Variants in PALM2AKAP2 observed in about 807,000 individuals in gnomAD.
PALM2AKAP2 encodes the protein PALM2 and AKAP2 fusion.
PALM2AKAP2 carries 37 observed loss-of-function variants against 71.5 expected under a neutral mutation model. The ratio of observed to expected loss-of-function variants is 0.52; its 90% CI spans 0.40 to 0.68. The LOEUF is 0.68. Among genes scored for constraint, PALM2AKAP2 ranks in the 30% least tolerant of loss-of-function variants. The probability of loss-of-function intolerance (pLI) is 0.00; values close to 1 mark genes in which losing one functional copy is unlikely to be tolerated. For synonymous variants in PALM2AKAP2, 468 were observed against 478.8 expected (o/e 0.98, Z 0.29); for missense variants, 1,224 against 1,191.8 (o/e 1.03, Z -0.40).
intron 7 of PALM2AKAP2, among the ~76,000 whole-genome samples, chr9:110,033,248 G>C (rs1833319219): frequency 6.6e-6 from 1 of 152,124 alleles, no homozygotes; most frequent in Non-Finnish European, 1.5e-5. Flanking sequence ...TAAGAGAAAT[G>C]GTATTGCAAA....
chr9:109,841,380 G>T (rs546275615), intron 1 of PALM2AKAP2, among the ~76,000 whole-genome samples: 11 of 148,476 alleles, frequency 7.4e-5, no homozygotes, highest in Middle Eastern at 3.5e-3. Flanking sequence ...GTGGGGGTAG[G>T]GGGGAGGGAT....
At chr9:110,074,192 G>A (rs1449079226) in intron 1 of PALM2AKAP2, among the ~76,000 whole-genome samples, 1 of 152,172 alleles carries the variant, frequency 6.6e-6, no homozygotes, top group South Asian at 2.1e-4. Context: ...ATAATCTTTA[G>A]AAGTCCCAAA....
chr9:110,102,269 G>C (rs1471652378), intron 1 of PALM2AKAP2, among the ~76,000 whole-genome samples: 1 of 152,164 alleles, frequency 6.6e-6, no homozygotes, highest in Admixed American at 6.5e-5. Flanking sequence ...TAATGGAATA[G>C]TGCTTAATGG....
chr9:110,090,219 G>C (rs1252992026), intron 1 of PALM2AKAP2: 1 of 390,676 alleles, frequency 2.6e-6, no homozygotes, highest in Non-Finnish European at 5.2e-6. Flanking sequence ...GCAGGTACAG[G>C]ATGCGAGCTC....
Position 109,646,640 on chromosome 9 carries a change from T to G in PALM2AKAP2, c.5+5774T>G, listed in dbSNP as rs560691489. On this transcript the variant is annotated intron_variant, in intron 1 of 6. Coordinates refer to the PALM2AKAP2 transcript ENST00000374531. ...AACTTAAGGTTCTTAACATATGCCTTCATTCATTCATCCAGTAACTCATTT... is the reference window on the plus strand; with the variant it reads ...AACTTAAGGTTCTTAACATATGCCTGCATTCATTCATCCAGTAACTCATTT... Among the ~76,000 whole-genome samples the G allele has an allele frequency of 2.6e-5, 4 of 152,328 alleles. No individual in the cohort carries two copies. In the South Asian group the frequency reaches 6.2e-4, roughly 24 times the overall value.
At chr9:110,006,118 C>T (rs1427656918) in intron 6 of PALM2AKAP2, among the ~76,000 whole-genome samples, 4 of 152,200 alleles carry the variant, frequency 2.6e-5, no homozygotes, top group African/African-American at 9.6e-5. Context: ...CTGCGTCACT[C>T]ATGCTGGGAG....
intron 6 of PALM2AKAP2, among the ~76,000 whole-genome samples, chr9:110,006,360 T>TTCTTTCTTTC (rs1294505767): frequency 6.7e-6 from 1 of 148,544 alleles, no homozygotes; most frequent in Non-Finnish European, 1.5e-5. Flanking sequence ...CTTTCTTTCT[T>TTCTTTCTTTC]TCTTTCTTTC....
intron 1 of PALM2AKAP2, among the ~76,000 whole-genome samples, chr9:109,710,065 C>T (rs769095711): frequency 6.6e-6 from 1 of 152,082 alleles, no homozygotes; most frequent in Non-Finnish European, 1.5e-5. Flanking sequence ...ATTGGAGTGG[C>T]GTAACTACAA....
intron 3 of PALM2AKAP2, among the ~76,000 whole-genome samples, chr9:109,901,109 C>T (rs1830322612): frequency 6.6e-6 from 1 of 152,158 alleles, no homozygotes; most frequent in African/African-American, 2.4e-5. Flanking sequence ...CTTCCTTGAC[C>T]TCAGTGAAGA....
At chr9:109,949,151 G>A (rs1178598648) in intron 6 of PALM2AKAP2, among the ~76,000 whole-genome samples, 3 of 152,202 alleles carry the variant, frequency 2.0e-5, no homozygotes, top group South Asian at 2.1e-4. Context: ...AACCAAACAC[G>A]TATCTGTGTT....
At chr9:109,991,409 A>T (rs371274805) in intron 6 of PALM2AKAP2, among the ~76,000 whole-genome samples, 75 of 146,342 alleles carry the variant, frequency 5.1e-4, no homozygotes, top group African/African-American at 1.7e-3. Flanking sequence ...GCTAATTTAA[A>T]TTTTTTTTTT....
intron 1 of PALM2AKAP2, among the ~76,000 whole-genome samples, chr9:109,853,578 G>A (rs551782914): frequency 1.3e-5 from 2 of 152,250 alleles, no homozygotes; most frequent in African/African-American, 4.8e-5. Flanking sequence ...TTTTTTAAAA[G>A]CAATGCTGCA....
chr9:109,645,440 T>A (rs565733778), intron 1 of PALM2AKAP2, among the ~76,000 whole-genome samples: 81 of 151,906 alleles, frequency 5.3e-4, no homozygotes, highest in Non-Finnish European at 1.0e-4. Flanking sequence ...AGAGAAACCA[T>A]ATCACCAAGG....
At chr9:109,657,452 T>TGTGTGTG (rs1827323580) in intron 1 of PALM2AKAP2, among the ~76,000 whole-genome samples, 80 of 147,216 alleles carry the variant, frequency 5.4e-4, no homozygotes, top group African/African-American at 1.9e-3. Flanking sequence ...AATATGGTAT[T>TGTGTGTG]TGTGTGTGTG....
chr9:109,942,392 C>T (rs545649800), intron 6 of PALM2AKAP2, among the ~76,000 whole-genome samples: 15 of 152,324 alleles, frequency 9.8e-5, no homozygotes, highest in African/African-American at 2.9e-4. Context: ...TGAAATTCTT[C>T]ACACTAAGAT....
chr9:109,718,129 G>A (rs1828353895), intron 1 of PALM2AKAP2, among the ~76,000 whole-genome samples: 1 of 151,996 alleles, frequency 6.6e-6, no homozygotes, highest in African/African-American at 2.4e-5. Context: ...CGCCCAGGCT[G>A]GAGGGCAGTG....
At chr9:109,820,058 A>C (rs1284504359) in intron 1 of PALM2AKAP2, among the ~76,000 whole-genome samples, 1 of 152,236 alleles carries the variant, frequency 6.6e-6, no homozygotes, top group East Asian at 1.9e-4. Context: ...ACATGAAGAA[A>C]ATAGACTTAC....
At chr9:110,102,393 A>G (rs1437215715) in intron 1 of PALM2AKAP2, among the ~76,000 whole-genome samples, 1 of 152,234 alleles carries the variant, frequency 6.6e-6, no homozygotes, top group East Asian at 1.9e-4. Flanking sequence ...TATAAACTTT[A>G]TCAAGCAGAG....
chr9:109,941,132 T>C (rs991638512), intron 6 of PALM2AKAP2, among the ~76,000 whole-genome samples: 2 of 150,400 alleles, frequency 1.3e-5, no homozygotes, highest in African/African-American at 4.9e-5. Flanking sequence ...CTCTTCTTCT[T>C]CTTCTTCCTC....
Sources: allele counts gnomAD v4.1 joint callset (sites outside exome capture counted in the v4.1 genomes callset), GRCh38; gene constraint gnomAD v4.1.1; transcripts MANE v1.5; gene names NCBI Gene and HGNC (gene_info 2026-07-23, HGNC 2026-07-21).